FUT8: variants seen among roughly 807,000 people sequenced by gnomAD.
FUT8 encodes alpha-(1,6)-fucosyltransferase.
Under a neutral mutation model 71.3 loss-of-function variants are expected in FUT8, and 29 were observed. The observed-to-expected ratio is 0.41, with a 90% CI of 0.30 to 0.55. The LOEUF (loss-of-function observed/expected upper bound fraction) is 0.55. Among genes scored for constraint, FUT8 ranks in the 20% least tolerant of loss-of-function variants. The pLI is 0.34. For synonymous variants in FUT8, 254 were observed against 239.3 expected, an observed-to-expected ratio of 1.06 and a Z score of -0.57; for missense variants, 544 against 702.1, an observed-to-expected ratio of 0.77 and a Z score of 2.55.
chr14:65,439,220 T>C (rs776816774), intron 1 of FUT8, among the ~76,000 whole-genome samples: 5 of 152,158 alleles, frequency 3.3e-5, no homozygotes, highest in Non-Finnish European at 5.9e-5. Flanking sequence ...TAAGCAAAAA[T>C]ACCAGCTCTG....
chr14:65,580,070 T>TTATATATATATA lies in FUT8; in HGVS notation c.203+18313_203+18324dup, dbSNP rs59069113. Among the ~76,000 whole-genome samples, 420 of 142,834 alleles carry TTATATATATATA rather than the reference T, an allele frequency of 2.9e-3. 3 individuals carry two copies. The highest frequency in any genetic ancestry group is 0.018 in the East Asian group (88 of 4,928). 93.7% of individuals were successfully genotyped at this position (142,834 alleles called of 152,430 possible). The stretch of plus-strand genomic sequence containing the variant: ...TTCAAAATACTGATAGTGCTATATT[T>TTATATATATATA]TATATATATATATATATATAGTCAT... On this transcript the variant is annotated intron_variant, in intron 3 of 10. Transcript: ENST00000673929.
At chr14:65,393,798 C>T in the FUT8 span, among the ~76,000 whole-genome samples, 44 of 152,116 alleles carry the variant, frequency 2.9e-4, no homozygotes, top group African/African-American at 9.9e-4. Context: ...TAAAGACATA[C>T]CTGAGACTAG....
At chr14:65,412,100 A>AGAGGCCGGGC, upstream of FUT8, 3 of 456,432 alleles carry the variant, frequency 6.6e-6, no homozygotes, top group South Asian at 4.6e-5. Context: ...GCGGGTCGGG[A>AGAGGCCGGGC]GAGGCCGGGC....
At chr14:65,531,962 T>C (rs940606912) in intron 2 of FUT8, among the ~76,000 whole-genome samples, 1 of 152,190 alleles carries the variant, frequency 6.6e-6, no homozygotes, top group African/African-American at 2.4e-5. Context: ...CATTTTTTTT[T>C]ATGACTGCAT....
chr14:65,552,982 G>T (rs1388491324), intron 2 of FUT8, among the ~76,000 whole-genome samples: 1 of 152,012 alleles, frequency 6.6e-6, no homozygotes, highest in Non-Finnish European at 1.5e-5. Context: ...CCCAGACAGG[G>T]TCTTGCTCTG....
At chr14:65,421,352 C>T (rs1435930736) in intron 1 of FUT8, among the ~76,000 whole-genome samples, 2 of 152,052 alleles carry the variant, frequency 1.3e-5, no homozygotes, top group Non-Finnish European at 2.9e-5. Context: ...TTGGTCTCAG[C>T]ATGGTAGAGG....
intron 6 of FUT8, among the ~76,000 whole-genome samples, chr14:65,655,805 A>G (rs1161296163): frequency 6.6e-6 from 1 of 152,240 alleles, no homozygotes; most frequent in Admixed American, 6.5e-5. Context: ...ATTGTTCAAC[A>G]TACACAAATC....
the FUT8 span, among the ~76,000 whole-genome samples, chr14:65,393,196 G>A: frequency 1.3e-5 from 2 of 152,180 alleles, no homozygotes; most frequent in African/African-American, 4.8e-5. Context: ...AACTAACTGA[G>A]AAACAACTGT....
chr14:65,390,301 G>A, the FUT8 span, among the ~76,000 whole-genome samples: 6 of 142,498 alleles, frequency 4.2e-5, no homozygotes, highest in African/African-American at 1.3e-4. Context: ...CCAGCCTGGC[G>A]ACAAAGCGAG....
Position 65,616,246 on chromosome 14 carries a change from A to G in FUT8, c.355A>G (p.Ile119Val). The change falls in exon 5 of 11, where the codon ATT becomes GTT. Residue 119 changes from isoleucine (I) to valine (V), a missense_variant. Transcript: ENST00000673929. ...GGATCATGAAATCCTGAGGAGGAGG[A>G]TTGAAAATGGAGCTAAAGAGCTCTG... ...GKDHEILRRR[I>V]ENGAKELWFF... The G allele has an allele frequency of 6.2e-7, 1 of 1,610,732 alleles. No individual in the cohort carries two copies.
Position 65,467,142 on chromosome 14 carries a change from C to T in FUT8, c.-228+11424C>T, listed in dbSNP as rs1007189731. Among the ~76,000 whole-genome samples, 3 of 152,076 alleles carry T rather than the reference C, an allele frequency of 2.0e-5. No homozygotes were observed. The highest frequency in any genetic ancestry group is 4.4e-5 in the Non-Finnish European group (3 of 68,016). ...CTTCTTTCTGAATAACTTCTGTTAA[C>T]ATTTCTTGCAAGTCATGTTTATTGG... On this transcript the variant is annotated intron_variant, in intron 2 of 10. Coordinates refer to ENST00000673929, the MANE Select transcript of FUT8 (RefSeq NM_001371533.1). The surrounding 1 kb of genome is among the most constrained non-coding windows in gnomAD (Gnocchi z 4.1).
At chr14:65,736,437 C>T (rs140739926) in intron 10 of FUT8, among the ~76,000 whole-genome samples, 47 of 151,354 alleles carry the variant, frequency 3.1e-4, no homozygotes, top group South Asian at 1.7e-3. Context: ...CTTGTGGTTA[C>T]GGGTAATGCT....
rs113344449 is a variant in FUT8 at position 65,660,500 on chromosome 14, T to C, written c.598-8743T>C. On this transcript the variant is annotated intron_variant, in intron 6 of 10. Transcript: ENST00000673929. The surrounding 1 kb of genome is among the most constrained non-coding windows in gnomAD (Gnocchi z 4.1). ...CTGCAGTCTTTCAGTCTATAAACTCTGTATCTTGGTATCTTTCCTCCCTTT... is the reference window on the plus strand; with the variant it reads ...CTGCAGTCTTTCAGTCTATAAACTCCGTATCTTGGTATCTTTCCTCCCTTT... 3.4e-3 allele frequency among the ~76,000 whole-genome samples: 525 copies of C among 152,306 alleles called. 1 individual carries two copies. The highest frequency in any genetic ancestry group is 8.3e-3 in the South Asian group (40 of 4,826).
chr14:65,556,139 A>G (rs1213404633), intron 2 of FUT8, among the ~76,000 whole-genome samples: 3 of 152,320 alleles, frequency 2.0e-5, no homozygotes, highest in South Asian at 2.1e-4. Context: ...ATTTATTGCT[A>G]TGTAACACAT....
chr14:65,640,766 T>G, intron 6 of FUT8, among the ~76,000 whole-genome samples: 1 of 134,326 alleles, frequency 7.4e-6, no homozygotes, highest in East Asian at 2.6e-4. Context: ...TTATGGTACC[T>G]TTGATTCTGT....
rs182399506 is a variant in FUT8 at position 65,509,700 on chromosome 14, C to T, written c.-227-51637C>T. 1.7e-3 allele frequency among the ~76,000 whole-genome samples: 253 copies of T among 152,054 alleles called. 1 individual carries two copies. Among genetic ancestry groups the T allele is most frequent in the Non-Finnish European group, 2.6e-3 (178 of 67,938 alleles). On this transcript the variant is annotated intron_variant, in intron 2 of 10. Coordinates refer to ENST00000673929, the MANE Select transcript of FUT8 (RefSeq NM_001371533.1). ...TTGGTGGCTATTGTAAATGGGACTG[C>T]TTTTTAAATTTCTTTTTCAATTTGT...
intron 2 of FUT8, among the ~76,000 whole-genome samples, chr14:65,491,645 T>C (rs762285713): frequency 1.3e-5 from 2 of 152,144 alleles, no homozygotes; most frequent in Non-Finnish European, 2.9e-5. Context: ...AATTGATTTA[T>C]AGGTATGAGG....
chr14:65,390,885 C>T, the FUT8 span, among the ~76,000 whole-genome samples: 1 of 151,852 alleles, frequency 6.6e-6, no homozygotes, highest in African/African-American at 2.4e-5. Context: ...CACATTAGCA[C>T]CTGGCTAATT....
intron 7 of FUT8, among the ~76,000 whole-genome samples, chr14:65,686,050 G>T (rs1337730666): frequency 6.6e-6 from 1 of 152,198 alleles, no homozygotes; most frequent in Non-Finnish European, 1.5e-5. Flanking sequence ...ATTCAAGTTG[G>T]AGTTGCTCTG....
Sources: allele counts gnomAD v4.1 joint callset (sites outside exome capture counted in the v4.1 genomes callset), GRCh38; gene constraint gnomAD v4.1.1; non-coding constraint Gnocchi (gnomAD v3.1); transcripts MANE v1.5; gene names NCBI Gene and HGNC (gene_info 2026-07-23, HGNC 2026-07-21).